IKBKB: variants seen among roughly 807,000 people sequenced by gnomAD.
IKBKB encodes inhibitor of nuclear factor kappa-B kinase subunit beta.
A neutral mutation model predicts 113.6 loss-of-function variants in IKBKB; 42 were observed. The ratio of observed to expected loss-of-function variants is 0.37; its 90% CI spans 0.29 to 0.48. The LOEUF (loss-of-function observed/expected upper bound fraction) is 0.48, where lower values mean the gene tolerates loss of function less well. Among genes scored for constraint, IKBKB ranks in the 20% least tolerant of loss-of-function variants. The pLI is 0.99. For synonymous variants in IKBKB, 296 were observed against 361.3 expected, an observed-to-expected ratio of 0.82 and a Z score of 2.05; for missense variants, 673 against 939.7, an observed-to-expected ratio of 0.72 and a Z score of 3.71.
intron 5 of IKBKB, among the ~76,000 whole-genome samples, chr8:42,300,381 C>T: frequency 6.6e-6 from 1 of 152,168 alleles, no homozygotes; most frequent in South Asian, 2.1e-4. Flanking sequence ...TCTATCTCAG[C>T]CTTTTGGACC....
At position 42,274,799 on chromosome 8, in the gene IKBKB, C is replaced by A. The variant is rs1010310621; in HGVS notation, c.105+2594C>A. ...CCCCGCCGGCGCGCCCCCCCCCCCC[C>A]CCGCCATCCCAGCCTCCCAAAGTGC... On this transcript the variant is annotated intron_variant, in intron 2 of 21. Transcript: ENST00000520810. 1.8e-4 allele frequency among the ~76,000 whole-genome samples: 17 copies of A among 94,272 alleles called. 1 individual carries two copies. The highest frequency in any genetic ancestry group is 5.5e-4 in the Admixed American group (6 of 10,838). The allele number at this position is 94,272 out of a possible 152,430, so 61.8% of individuals were successfully genotyped here.
At chr8:42,290,913 G>T (rs1053918965) in intron 4 of IKBKB, among the ~76,000 whole-genome samples, 1 of 152,182 alleles carries the variant, frequency 6.6e-6, no homozygotes, top group African/African-American at 2.4e-5. Context: ...GGGGCAGTTG[G>T]GTGCCCTCCT....
intron 2 of IKBKB, among the ~76,000 whole-genome samples, chr8:42,284,592 A>C (rs564570351): frequency 2.0e-5 from 3 of 152,046 alleles, no homozygotes; most frequent in South Asian, 2.1e-4. Flanking sequence ...AAAAAAAAAA[A>C]AAAAATACCG....
At chr8:42,322,525 G>T in intron 19 of IKBKB, 31 bp downstream of exon 19, 1 of 1,611,002 alleles carries the variant, frequency 6.2e-7, no homozygotes, top group African/African-American at 1.3e-5. Flanking sequence ...CGGGCCCTTG[G>T]CCTAGCAGCC....
intron 2 of IKBKB, among the ~76,000 whole-genome samples, chr8:42,272,927 G>T (rs1339989452): frequency 7.6e-6 from 1 of 131,712 alleles, no homozygotes. Context: ...GTAACAGAGT[G>T]AGACTCCGTC....
At chr8:42,278,671 T>C (rs1385072020) in intron 2 of IKBKB, among the ~76,000 whole-genome samples, 1 of 150,966 alleles carries the variant, frequency 6.6e-6, no homozygotes, top group African/African-American at 2.4e-5. Flanking sequence ...TGGAGTCGTC[T>C]AGGTGAGAGA....
At chr8:42,273,819 C>T (rs191342990) in intron 2 of IKBKB, among the ~76,000 whole-genome samples, 10 of 152,084 alleles carry the variant, frequency 6.6e-5, no homozygotes, top group African/African-American at 2.4e-4. Context: ...TCTCAAAGTG[C>T]TGGGATTACA....
At chr8:42,282,449 T>C (rs1810572013) in intron 2 of IKBKB, among the ~76,000 whole-genome samples, 1 of 152,214 alleles carries the variant, frequency 6.6e-6, no homozygotes, top group Non-Finnish European at 1.5e-5. Context: ...TCTAGCGATC[T>C]ACCTGCCTTG....
intron 13 of IKBKB, 97 bp downstream of exon 13, chr8:42,318,772 C>T: frequency 8.5e-7 from 1 of 1,170,530 alleles, no homozygotes; most frequent in Non-Finnish European, 1.2e-6. Flanking sequence ...CCAGAAGCAA[C>T]CGTTATGAGC....
At chr8:42,276,737 A>C (rs1585518563) in intron 2 of IKBKB, among the ~76,000 whole-genome samples, 1 of 141,380 alleles carries the variant, frequency 7.1e-6, no homozygotes, top group African/African-American at 2.6e-5. Flanking sequence ...AGACAGTCTC[A>C]CTCTCAGCTG....
In IKBKB at chr8:42,331,105, C is replaced by G; in HGVS notation, c.*126C>G. The G allele has an allele frequency of 7.0e-7, 1 of 1,433,406 alleles. No homozygotes were observed. The highest frequency in any genetic ancestry group is 1.2e-5 in the South Asian group (1 of 83,608). 88.8% of individuals were successfully genotyped at this position (1,433,406 alleles called of 1,614,324 possible). A position where few individuals can be genotyped will look rare whatever the true frequency, so the allele number is the denominator to read the frequency against. Reference sequence around the variant, plus strand: ...GTGACGTGGGGCTGCCTGGCCGCGGCTCTCACATGGTGGTTCCTGCTGCAC... The same window carrying G: ...GTGACGTGGGGCTGCCTGGCCGCGGGTCTCACATGGTGGTTCCTGCTGCAC... On this transcript the variant is annotated 3_prime_UTR_variant, in exon 22 of 22. Transcript: ENST00000520810.
chr8:42,331,262 A>G lies in IKBKB; in HGVS notation c.*283A>G, dbSNP rs199754384. ...CTTGTCTGCACACTGGAGGTCCTCC[A>G]TTACAGAGGCCCAGCGCACATCGCT... On this transcript the variant is annotated 3_prime_UTR_variant, in exon 22 of 22. Transcript: ENST00000520810. 4 of 702,376 alleles carry G rather than the reference A, an allele frequency of 5.7e-6. No individual in the cohort carries two copies. Among genetic ancestry groups the G allele is most frequent in the Admixed American group, 4.0e-5 (2 of 50,000 alleles). 43.5% of individuals were successfully genotyped at this position (702,376 alleles called of 1,614,324 possible).
Position 42,290,207 on chromosome 8 carries a change from G to A in IKBKB, c.252G>A (p.Gln84=). The change falls in exon 4 of 22, where the codon CAG becomes CAA. Residue 84 remains glutamine (Q), a synonymous_variant. Coordinates refer to ENST00000520810, the MANE Select transcript of IKBKB (RefSeq NM_001556.3). The part of the protein sequence containing the change: ...VAARDVPEGM[Q]NLAPNDLPLL... ...CCCGAGATGTCCCTGAGGGGATGCA[G>A]AACTTGGCGCCCAATGACCTGCCCC... The A allele has an allele frequency of 6.2e-7, 1 of 1,613,918 alleles. No individual in the cohort carries two copies. Among genetic ancestry groups the A allele is most frequent in the South Asian group, 1.1e-5 (1 of 90,976 alleles).
intron 19 of IKBKB, 47 bp from the exon 20 acceptor site, chr8:42,325,923 T>C: frequency 1.9e-6 from 3 of 1,611,114 alleles, no homozygotes; most frequent in Non-Finnish European, 2.5e-6. Flanking sequence ...GAATGCAAAA[T>C]GTGATTCATC....
chr8:42,322,501 G>A lies in IKBKB; in HGVS notation c.1986+7G>A, dbSNP rs374216597. 2.5e-6 allele frequency: 4 copies of A among 1,613,558 alleles called. No individual in the cohort carries two copies. The highest frequency in any genetic ancestry group is 1.1e-5 in the South Asian group (1 of 91,072). On this transcript the variant is annotated splice_region_variant and intron_variant, in intron 19 of 21. Transcript: ENST00000520810. ...TCTCCTGAAGATTGCTTGTGTGAGT[G>A]AGTGCTGTGGTCCCGGGCCCTTGGC... is the stretch of plus-strand genomic sequence containing the variant.
At chr8:42,318,254 C>T (rs1385887217) in intron 12 of IKBKB, among the ~76,000 whole-genome samples, 4 of 150,764 alleles carry the variant, frequency 2.7e-5, no homozygotes, top group South Asian at 4.2e-4. Context: ...AAGAGCGAGA[C>T]CTTGTCTCAA....
At chr8:42,311,150 A>G (rs905280483) in intron 8 of IKBKB, among the ~76,000 whole-genome samples, 2 of 152,240 alleles carry the variant, frequency 1.3e-5, no homozygotes, top group East Asian at 1.9e-4. Context: ...GAGTGTGGAC[A>G]CTGCCCCTTT....
intron 2 of IKBKB, among the ~76,000 whole-genome samples, chr8:42,282,955 C>G (rs1459525441): frequency 6.6e-6 from 1 of 152,210 alleles, no homozygotes; most frequent in Non-Finnish European, 1.5e-5. Context: ...CGCCTCAACT[C>G]TAGGGCGAAG....
In IKBKB at chr8:42,308,897, G is replaced by A. The variant is rs367835309; in HGVS notation, c.568-4G>A. ...CTCAGGTGTACCCCCTCCTGTTGCT[G>A]CAGGCCCCAGAGCTACTGGAGCAGC... On this transcript the variant is annotated splice_polypyrimidine_tract_variant and splice_region_variant and intron_variant, in intron 7 of 21. Transcript: ENST00000520810. 1 of 1,613,770 alleles carries A rather than the reference G, an allele frequency of 6.2e-7. No individual in the cohort carries two copies. The highest frequency in any genetic ancestry group is 2.2e-5 in the East Asian group (1 of 44,882).
Sources: gnomAD v4.1 joint callset for allele counts (sites outside exome capture counted in the v4.1 genomes callset) on GRCh38, gnomAD v4.1.1 for gene constraint, MANE v1.5 for transcripts, NCBI Gene and HGNC (gene_info 2026-07-23, HGNC 2026-07-21) for gene names.